Variants in TMEM161B observed in about 807,000 individuals in gnomAD.
TMEM161B encodes the protein transmembrane protein 161B.
Under a neutral mutation model 61.8 loss-of-function variants are expected in TMEM161B, and 34 were observed. The observed-to-expected ratio is 0.55, with a 90% confidence interval of 0.42 to 0.73. The LOEUF is 0.73. Ranked by LOEUF, TMEM161B falls within the 30% of genes least tolerant of loss-of-function variation. The probability of loss-of-function intolerance (pLI) is 0.00; values close to 1 mark genes in which losing one functional copy is unlikely to be tolerated. For missense variants in TMEM161B, 456 were observed against 558.5 expected (o/e 0.82, Z 1.85); for synonymous variants, 167 against 192.8 (o/e 0.87, Z 1.11).
chr5:88,194,022 A>G (rs1749252274), downstream of TMEM161B, among the ~76,000 whole-genome samples: 1 of 152,124 alleles, frequency 6.6e-6, no homozygotes, highest in African/African-American at 2.4e-5. Flanking sequence ...GTTTCAGGGC[A>G]TACATGTGCC....
downstream of TMEM161B, among the ~76,000 whole-genome samples, chr5:88,191,785 G>A (rs1748897175): frequency 1.3e-5 from 2 of 150,746 alleles, no homozygotes; most frequent in African/African-American, 2.4e-5. Flanking sequence ...GTGAAACCCC[G>A]TCTCTATTAA....
Position 88,206,474 on chromosome 5 carries a change from C to T in TMEM161B, c.624G>A (p.Ala208=), listed in dbSNP as rs757215657. Residue 208 remains alanine, a synonymous_variant, in exon 7 of 12, where the codon GCG becomes GCA. Coordinates refer to ENST00000296595, the MANE Select transcript of TMEM161B (RefSeq NM_153354.5). ...ETGFTNFSDS[A]MQFLEKQGLE... is the part of the protein sequence containing the mutation. Reference sequence around the variant, plus strand: ...AACCTTGCTTTTCAAGAAACTGCATCGCACTGTCTGAAAAATTTGTAAACC... The same window carrying T: ...AACCTTGCTTTTCAAGAAACTGCATTGCACTGTCTGAAAAATTTGTAAACC... The T allele has an allele frequency of 6.1e-5, 98 of 1,596,746 alleles. No homozygotes were observed. Among genetic ancestry groups the T allele is most frequent in the Non-Finnish European group, 6.7e-5 (78 of 1,172,276 alleles).
chr5:88,225,133 A>G (rs1749811270), intron 4 of TMEM161B, among the ~76,000 whole-genome samples: 1 of 151,692 alleles, frequency 6.6e-6, no homozygotes, highest in African/African-American at 2.4e-5. Context: ...ACGCCTGGCT[A>G]ATTTTTTGTA....
chr5:88,203,630 C>A (rs906897214), intron 8 of TMEM161B, among the ~76,000 whole-genome samples: 6 of 151,148 alleles, frequency 4.0e-5, no homozygotes, highest in Non-Finnish European at 2.9e-5. Context: ...AACTGAGGAA[C>A]CTTTTAACGT....
chr5:88,186,773 A>C (rs945313658), downstream of TMEM161B, among the ~76,000 whole-genome samples: 2 of 151,998 alleles, frequency 1.3e-5, no homozygotes, highest in Non-Finnish European at 1.5e-5. Context: ...CTAAAAAAAA[A>C]AATTAGCCAC....
At chr5:88,204,325 A>G (rs1745025696) in intron 8 of TMEM161B, among the ~76,000 whole-genome samples, 1 of 152,162 alleles carries the variant, frequency 6.6e-6, no homozygotes, top group Non-Finnish European at 1.5e-5. Flanking sequence ...AAAATAAAAT[A>G]AAACCCCAAA....
chr5:88,246,113 T>C (rs896570026), intron 1 of TMEM161B, among the ~76,000 whole-genome samples: 1 of 151,862 alleles, frequency 6.6e-6, no homozygotes, highest in Non-Finnish European at 1.5e-5. Flanking sequence ...GTAACCTCAC[T>C]CTATCTCTTT....
At chr5:88,246,024 G>A (rs569703346) in intron 1 of TMEM161B, among the ~76,000 whole-genome samples, 49 of 151,886 alleles carry the variant, frequency 3.2e-4, no homozygotes, top group Non-Finnish European at 5.0e-4. Context: ...AAATTAAACA[G>A]AATGACCCAA....
intron 5 of TMEM161B, among the ~76,000 whole-genome samples, chr5:88,214,986 T>C (rs907692484): frequency 6.6e-6 from 1 of 152,240 alleles, no homozygotes; most frequent in Non-Finnish European, 1.5e-5. Context: ...CTTTTAGAAC[T>C]TTTAAGATTC....
intron 5 of TMEM161B, among the ~76,000 whole-genome samples, chr5:88,212,142 G>A (rs1232622320): frequency 1.3e-5 from 2 of 152,146 alleles, no homozygotes; most frequent in South Asian, 4.1e-4. Flanking sequence ...CAAGGTTGAG[G>A]ACAATGGAGC....
chr5:88,213,060 T>C (rs1747135015), intron 5 of TMEM161B, among the ~76,000 whole-genome samples: 1 of 152,202 alleles, frequency 6.6e-6, no homozygotes. Context: ...TGATCACTGC[T>C]ACTAAATAAA....
chr5:88,237,952 G>T (rs1209286572), intron 2 of TMEM161B, among the ~76,000 whole-genome samples: 1 of 152,022 alleles, frequency 6.6e-6, no homozygotes, highest in Non-Finnish European at 1.5e-5. Flanking sequence ...TTGTCCCCAG[G>T]TATCTGAGGG....
rs755998945 is a variant in TMEM161B at position 88,203,085 on chromosome 5, C to T, written c.801-10G>A. The T allele has an allele frequency of 1.0e-5, 15 of 1,492,292 alleles. No individual in the cohort carries two copies. The highest frequency in any genetic ancestry group is 3.6e-4 in the Middle Eastern group (2 of 5,568). 92.4% of individuals were successfully genotyped at this position (1,492,292 alleles called of 1,614,324 possible). A position where few individuals can be genotyped will look rare whatever the true frequency, so the allele number is the denominator to read the frequency against. On this transcript the variant is annotated splice_polypyrimidine_tract_variant and intron_variant, in intron 8 of 11. Transcript: ENST00000296595. ...GATATGAAGTAAAGTTCTGAAAGTA[C>T]GTAAGAAATAAATATAAAAATTCAG...
chr5:88,240,050 C>T (rs1052606552), intron 2 of TMEM161B, among the ~76,000 whole-genome samples: 9 of 151,828 alleles, frequency 5.9e-5, no homozygotes, highest in African/African-American at 1.4e-4. Flanking sequence ...GATTTCTCCC[C>T]ACTGTATCTA....
chr5:88,208,266 G>C (rs1745937030), intron 5 of TMEM161B, among the ~76,000 whole-genome samples: 1 of 151,028 alleles, frequency 6.6e-6, no homozygotes, highest in South Asian at 2.1e-4. Flanking sequence ...GCTGGATCAC[G>C]AGGTCAGGAG....
intron 6 of TMEM161B, 22 bp downstream of exon 6, chr5:88,207,007 T>G (rs772602500): frequency 6.2e-7 from 1 of 1,607,360 alleles, no homozygotes; most frequent in Non-Finnish European, 8.5e-7. Context: ...AATTGATTTT[T>G]AAAGTTGTAT....
downstream of TMEM161B, chr5:88,194,978 G>GT (rs1304998965): frequency 1.0e-5 from 2 of 199,806 alleles, no homozygotes; most frequent in African/African-American, 4.8e-5. Flanking sequence ...CAAATTATCC[G>GT]TTTTGGCCAG....
Position 88,206,435 on chromosome 5 carries a change from T to C in TMEM161B, c.659+4A>G, listed in dbSNP as rs765997967. ...AAATAATGCTTAATTTTTCAAAAAC[T>C]TACTGAGATTCTAAACCTTGCTTTT... On this transcript the variant is annotated splice_donor_region_variant and intron_variant, in intron 7 of 11. Transcript: ENST00000296595. The C allele has an allele frequency of 1.9e-6, 3 of 1,596,532 alleles. No individual in the cohort carries two copies. The highest frequency in any genetic ancestry group is 1.1e-5 in the South Asian group (1 of 87,778).
intron 1 of TMEM161B, among the ~76,000 whole-genome samples, chr5:88,252,660 A>G (rs1173074376): frequency 1.3e-5 from 2 of 152,182 alleles, no homozygotes; most frequent in East Asian, 3.9e-4. Context: ...CTGACGGGAA[A>G]AGGTGTAGAC....
Sources: allele counts gnomAD v4.1 joint callset (sites outside exome capture counted in the v4.1 genomes callset), GRCh38; gene constraint gnomAD v4.1.1; transcripts MANE v1.5; gene names NCBI Gene and HGNC (gene_info 2026-07-23, HGNC 2026-07-21).